Variants in MB21D2 observed in about 807,000 individuals in gnomAD.
The protein encoded by MB21D2 is Mab-21 domain containing 2.
A neutral mutation model predicts 33.3 loss-of-function variants in MB21D2; 9 were observed. That is an observed-to-expected ratio of 0.27 (90% CI 0.16 to 0.47). The LOEUF is 0.47. MB21D2 is among the 20% of genes least tolerant of loss of function. The probability of loss-of-function intolerance (pLI) is 0.99; values close to 1 mark genes in which losing one functional copy is unlikely to be tolerated. For synonymous variants in MB21D2, 241 were observed against 236.3 expected, an observed-to-expected ratio of 1.02 and a Z score of -0.18; for missense variants, 540 against 624.6, an observed-to-expected ratio of 0.86 and a Z score of 1.44.
intron 1 of MB21D2, among the ~76,000 whole-genome samples, chr3:192,874,626 T>C (rs899276809): frequency 1.3e-5 from 2 of 152,234 alleles, no homozygotes; most frequent in African/African-American, 4.8e-5. Flanking sequence ...CTGGATATCC[T>C]GTGTGCCCCT....
intron 1 of MB21D2, among the ~76,000 whole-genome samples, chr3:192,874,640 T>C (rs1028614539): frequency 1.3e-5 from 2 of 152,204 alleles, no homozygotes; most frequent in African/African-American, 4.8e-5. Context: ...TGCCCCTTCA[T>C]ATTCGCTTCC....
intron 1 of MB21D2, among the ~76,000 whole-genome samples, chr3:192,844,573 G>A (rs1712641876): frequency 6.6e-6 from 1 of 152,176 alleles, no homozygotes; most frequent in African/African-American, 2.4e-5. Context: ...CTGTGTACAA[G>A]CACATGTCTC....
At chr3:192,857,383 T>C (rs1712940304) in intron 1 of MB21D2, among the ~76,000 whole-genome samples, 1 of 152,170 alleles carries the variant, frequency 6.6e-6, no homozygotes, top group Non-Finnish European at 1.5e-5. Flanking sequence ...ACTGCAGTCG[T>C]GTCAAGGGAA....
At chr3:192,861,276 C>G (rs1337479006) in intron 1 of MB21D2, among the ~76,000 whole-genome samples, 1 of 152,194 alleles carries the variant, frequency 6.6e-6, no homozygotes, top group Non-Finnish European at 1.5e-5. Context: ...GTGACCATCT[C>G]TGCATTCATT....
rs755066217 is a variant in MB21D2, at chr3:192,798,842, G to A, written c.1020C>T (p.Cys340=). The A allele has an allele frequency of 6.2e-6, 10 of 1,612,142 alleles. No homozygotes were observed. In the Admixed American group the frequency reaches 8.3e-5, roughly 13 times the overall value. Residue 340 remains cysteine, a synonymous_variant, in exon 2 of 2, where the codon TGC becomes TGT. Coordinates refer to ENST00000392452, the MANE Select transcript of MB21D2 (RefSeq NM_178496.4). The surrounding 1 kb of genome is among the most constrained non-coding windows in gnomAD (Gnocchi z 4.8). ...YHLRSMMLWA[C]DRLPANYLAQ... is the part of the protein sequence containing the mutation. ...CCAAGTAGTTGGCAGGAAGTCTGTCGCAGGCCCAGAGCATCATGCTCCGCA... is the reference window on the plus strand; with the variant it reads ...CCAAGTAGTTGGCAGGAAGTCTGTCACAGGCCCAGAGCATCATGCTCCGCA...
chr3:192,824,721 T>G (rs1442694037), intron 1 of MB21D2, among the ~76,000 whole-genome samples: 1 of 152,210 alleles, frequency 6.6e-6, no homozygotes, highest in Non-Finnish European at 1.5e-5. Flanking sequence ...TTAAAATTAT[T>G]AGCCTTTTTA....
intron 1 of MB21D2, among the ~76,000 whole-genome samples, chr3:192,907,478 T>C (rs1714238590): frequency 6.6e-6 from 1 of 152,112 alleles, no homozygotes; most frequent in Non-Finnish European, 1.5e-5. Context: ...GCAGGTGATA[T>C]ACTGACTGCG....
chr3:192,901,415 A>C (rs1412615874), intron 1 of MB21D2, among the ~76,000 whole-genome samples: 20 of 122,492 alleles, frequency 1.6e-4, no homozygotes, highest in African/African-American at 6.4e-4. Context: ...TAAAAATTCA[A>C]AAAAAAAAAA....
chr3:192,839,968 C>G (rs988707084), intron 1 of MB21D2, among the ~76,000 whole-genome samples: 1 of 150,914 alleles, frequency 6.6e-6, no homozygotes. Flanking sequence ...AACCACCCCA[C>G]AGCCACTGCA....
chr3:192,851,355 T>C (rs1301644021), intron 1 of MB21D2, among the ~76,000 whole-genome samples: 1 of 151,572 alleles, frequency 6.6e-6, no homozygotes, highest in Non-Finnish European at 1.5e-5. Flanking sequence ...TGTTGGGGAG[T>C]GGGGAGTAGA....
intron 1 of MB21D2, among the ~76,000 whole-genome samples, chr3:192,829,426 T>C (rs756633432): frequency 2.0e-5 from 3 of 152,254 alleles, no homozygotes; most frequent in Non-Finnish European, 4.4e-5. Flanking sequence ...GGTGGATGTG[T>C]GTTTGACTTT....
At chr3:192,880,393 T>G (rs1577194321) in intron 1 of MB21D2, among the ~76,000 whole-genome samples, 1 of 152,022 alleles carries the variant, frequency 6.6e-6, no homozygotes, top group African/African-American at 2.4e-5. Flanking sequence ...GGTTGGATTC[T>G]TCAGAAGCAG....
chr3:192,807,808 A>G (rs1378543582), intron 1 of MB21D2, among the ~76,000 whole-genome samples: 1 of 152,128 alleles, frequency 6.6e-6, no homozygotes, highest in Non-Finnish European at 1.5e-5. Context: ...CACCACCCCC[A>G]CTGCATAATG....
At chr3:192,899,505 G>C (rs1714048534) in intron 1 of MB21D2, among the ~76,000 whole-genome samples, 1 of 152,062 alleles carries the variant, frequency 6.6e-6, no homozygotes. Context: ...CTCCAGCCTG[G>C]GTGACAGAGC....
intron 1 of MB21D2, among the ~76,000 whole-genome samples, chr3:192,878,467 A>C (rs1423438619): frequency 3.9e-5 from 6 of 152,238 alleles, no homozygotes; most frequent in Non-Finnish European, 7.3e-5. Context: ...CAATAGAATA[A>C]AGACTTATTC....
intron 1 of MB21D2, among the ~76,000 whole-genome samples, chr3:192,830,568 C>A (rs902407049): frequency 6.6e-6 from 1 of 152,164 alleles, no homozygotes; most frequent in Admixed American, 6.5e-5. Context: ...TCCTCTGTTT[C>A]TCTGGTTACT....
chr3:192,890,848 A>C (rs568277346), intron 1 of MB21D2, among the ~76,000 whole-genome samples: 103 of 152,128 alleles, frequency 6.8e-4, no homozygotes, highest in African/African-American at 2.4e-3. Flanking sequence ...AGGAGTCCCT[A>C]AATACTAGGT....
intron 1 of MB21D2, among the ~76,000 whole-genome samples, chr3:192,828,700 G>C (rs1712246429): frequency 7.4e-6 from 1 of 135,632 alleles, no homozygotes; most frequent in Admixed American, 7.8e-5. Flanking sequence ...CCAGGCTAGA[G>C]CGCAGTGGTG....
At position 192,798,228 on chromosome 3, in the gene MB21D2, T is replaced by G; in HGVS notation, c.*158A>C. 1 of 742,162 alleles carries G rather than the reference T, an allele frequency of 1.3e-6. No individual in the cohort carries two copies. Among genetic ancestry groups the G allele is most frequent in the South Asian group, 1.9e-5 (1 of 52,424 alleles). 46.0% of individuals were successfully genotyped at this position (742,162 alleles called of 1,614,324 possible). On this transcript the variant is annotated 3_prime_UTR_variant, in exon 2 of 2. Coordinates refer to ENST00000392452, the MANE Select transcript of MB21D2 (RefSeq NM_178496.4). The surrounding 1 kb of genome is among the most constrained non-coding windows in gnomAD (Gnocchi z 4.8). ...GAATATGAAATAGTAATATACTGTTTCAGAGCCTGCACCATCCTGCAGAAC... is the reference window on the plus strand; with the variant it reads ...GAATATGAAATAGTAATATACTGTTGCAGAGCCTGCACCATCCTGCAGAAC...
Sources: gnomAD v4.1 joint callset for allele counts (sites outside exome capture counted in the v4.1 genomes callset) on GRCh38, gnomAD v4.1.1 for gene constraint, Gnocchi (gnomAD v3.1) non-coding constraint, MANE v1.5 for transcripts, NCBI Gene and HGNC (gene_info 2026-07-23, HGNC 2026-07-21) for gene names.